The following PPP2R5D variants were observed in gnomAD, a reference collection of about 807,000 sequenced individuals.
PPP2R5D encodes serine/threonine-protein phosphatase 2A 56 kDa regulatory subunit delta isoform.
In PPP2R5D, 12 loss-of-function variants were observed where a neutral mutation model predicts 79.1. The observed-to-expected ratio is 0.15, with a 90% CI of 0.10 to 0.25. The LOEUF is 0.25. PPP2R5D is among the 10% of genes least tolerant of loss of function. The probability of loss-of-function intolerance (pLI) is 1.00; values close to 1 mark genes in which losing one functional copy is unlikely to be tolerated. For missense variants in PPP2R5D, 419 were observed against 760.2 expected (o/e 0.55, Z 5.28); for synonymous variants, 277 against 286.6 (o/e 0.97, Z 0.34).
intron 2 of PPP2R5D, among the ~76,000 whole-genome samples, chr6:43,003,836 G>A (rs1761912535): frequency 6.6e-6 from 1 of 151,858 alleles, no homozygotes; most frequent in Non-Finnish European, 1.5e-5. Flanking sequence ...CCGGGTTCAC[G>A]CCATTCTCCT....
At chr6:42,985,147 C>T (rs779956370) in intron 1 of PPP2R5D, among the ~76,000 whole-genome samples, 66 of 152,114 alleles carry the variant, frequency 4.3e-4, no homozygotes, top group South Asian at 1.9e-3. Context: ...TCTTCCTACC[C>T]GCCTGGGACA....
At chr6:42,998,020 TATATA>T (rs1771849499) in intron 2 of PPP2R5D, among the ~76,000 whole-genome samples, 2 of 9,160 alleles carry the variant, frequency 2.2e-4, no homozygotes, top group African/African-American at 1.0e-3. Flanking sequence ...TTTATTTATA[TATATA>T]TATATATATA....
chr6:43,010,428 G>A lies in PPP2R5D; in HGVS notation c.1380-40G>A. ...ATTGGGTTCCTCACGCTAAGGGCAGGCTCTGGCCTCCTACACCTCATCTTT... is the reference window on the plus strand; with the variant it reads ...ATTGGGTTCCTCACGCTAAGGGCAGACTCTGGCCTCCTACACCTCATCTTT... On this transcript the variant is annotated intron_variant, in intron 12 of 15. Coordinates refer to ENST00000485511, the MANE Select transcript of PPP2R5D (RefSeq NM_006245.4). The surrounding 1 kb of genome is among the most constrained non-coding windows in gnomAD (Gnocchi z 4.7). The A allele has an allele frequency of 6.4e-7, 1 of 1,573,798 alleles. No individual in the cohort carries two copies.
At chr6:42,991,841 CA>C (rs1771284578) in intron 2 of PPP2R5D, among the ~76,000 whole-genome samples, 1 of 152,156 alleles carries the variant, frequency 6.6e-6, no homozygotes, top group Non-Finnish European at 1.5e-5. Flanking sequence ...ATGCCTAAGA[CA>C]ATGGGTCTAT....
chr6:42,997,989 T>C (rs1313402789), intron 2 of PPP2R5D, among the ~76,000 whole-genome samples: 2 of 136,374 alleles, frequency 1.5e-5, no homozygotes, highest in Non-Finnish European at 3.1e-5. Context: ...TATCTCTTTA[T>C]TTATATTTGA....
chr6:43,006,474 G>A lies in PPP2R5D; in HGVS notation c.117G>A (p.Gln39=), dbSNP rs761463281. Residue 39 remains glutamine (Q), a synonymous_variant, in exon 3 of 16, where the codon CAG becomes CAA. Transcript: ENST00000485511. This position sits in a 1 kb window ranked among gnomAD's most constrained non-coding sequence, Gnocchi z 4.7. ...ACTTGTTTGACCAGGCCCAGCCGCAGCCCCAGCCCCAGCCCCAGCCCCAAG... is the reference window on the plus strand; with the variant it reads ...ACTTGTTTGACCAGGCCCAGCCGCAACCCCAGCCCCAGCCCCAGCCCCAAG... ...GGENTEEAQP[Q]PQPQPQPQAQ... The A allele has an allele frequency of 6.2e-7, 1 of 1,612,602 alleles. No individual in the cohort carries two copies. The highest frequency in any genetic ancestry group is 1.3e-5 in the African/African-American group (1 of 74,920).
rs746587804 is a variant in PPP2R5D, at chr6:43,009,209, C to T, written c.1233C>T (p.Val411=). 1.2e-6 allele frequency: 2 copies of T among 1,614,036 alleles called. No individual in the cohort carries two copies. Among genetic ancestry groups the T allele is most frequent in the African/African-American group, 1.3e-5 (1 of 74,914 alleles). Reference sequence around the variant, plus strand: ...TCTTCCGCCAGCTGGCCAAGTGTGTCTCTAGCCCCCATTTCCAGGTGAGAC... The same window carrying T: ...TCTTCCGCCAGCTGGCCAAGTGTGTTTCTAGCCCCCATTTCCAGGTGAGAC... ...EPLFRQLAKC[V]SSPHFQVAER... Residue 411 remains valine, a synonymous_variant, in exon 11 of 16, where the codon GTC becomes GTT. Transcript: ENST00000485511. The surrounding 1 kb of genome is among the most constrained non-coding windows in gnomAD (Gnocchi z 5.6).
chr6:43,001,605 C>G (rs1405577793), intron 2 of PPP2R5D, among the ~76,000 whole-genome samples: 1 of 151,896 alleles, frequency 6.6e-6, no homozygotes, highest in Non-Finnish European at 1.5e-5. Context: ...TTCTTTAGGG[C>G]TGGGCACGGT....
At position 43,009,687 on chromosome 6, in the gene PPP2R5D, T is replaced by C. The variant is rs1308405005; in HGVS notation, c.1379+238T>C. On this transcript the variant is annotated intron_variant, in intron 12 of 15. Transcript: ENST00000485511. This position sits in a 1 kb window ranked among gnomAD's most constrained non-coding sequence, Gnocchi z 5.6. ...TACACCGCTCCTTGGGTTCAGCTATTCTACAGGTCCTATCACAGCTTTGGA... is the reference window on the plus strand; with the variant it reads ...TACACCGCTCCTTGGGTTCAGCTATCCTACAGGTCCTATCACAGCTTTGGA... 6.6e-6 allele frequency among the ~76,000 whole-genome samples: 1 copy of C among 152,192 alleles called. No individual in the cohort carries two copies. Among genetic ancestry groups the C allele is most frequent in the East Asian group, 1.9e-4 (1 of 5,206 alleles).
intron 2 of PPP2R5D, among the ~76,000 whole-genome samples, chr6:42,991,311 A>G (rs1264684966): frequency 6.6e-6 from 1 of 152,152 alleles, no homozygotes; most frequent in Non-Finnish European, 1.5e-5. Flanking sequence ...AGGATTTTCT[A>G]AGTCCTGAAA....
rs761464856 is a variant in PPP2R5D at position 43,010,575 on chromosome 6, T to C, written c.1481+6T>C. 1 of 1,613,616 alleles carries C rather than the reference T, an allele frequency of 6.2e-7. No homozygotes were observed. The highest frequency in any genetic ancestry group is 8.5e-7 in the Non-Finnish European group (1 of 1,179,614). ...TACAAGGCAGAGAAGCAGAAGTGAG[T>C]ATCTCTCTCCCCGGGAGACTTTCAT... On this transcript the variant is annotated splice_donor_region_variant and intron_variant, in intron 13 of 15. Coordinates refer to ENST00000485511, the MANE Select transcript of PPP2R5D (RefSeq NM_006245.4). The surrounding 1 kb of genome is among the most constrained non-coding windows in gnomAD (Gnocchi z 4.7).
Position 43,012,239 on chromosome 6 carries a change from A to G in PPP2R5D, c.*953A>G. ...CAGGCAGTGCGGCTTTTGGCTGTGT[A>G]CATAGGGTGCTTTATTCTCCACAGA... On this transcript the variant is annotated 3_prime_UTR_variant, in exon 16 of 16. Transcript: ENST00000485511. The G allele has an allele frequency of 8.0e-7, 1 of 1,242,614 alleles. No individual in the cohort carries two copies. Among genetic ancestry groups the G allele is most frequent in the Non-Finnish European group, 1.0e-6 (1 of 990,108 alleles). 77.0% of individuals were successfully genotyped at this position (1,242,614 alleles called of 1,614,324 possible).
At chr6:42,994,581 G>A (rs957179683) in intron 2 of PPP2R5D, among the ~76,000 whole-genome samples, 4 of 152,070 alleles carry the variant, frequency 2.6e-5, no homozygotes, top group Admixed American at 6.5e-5. Context: ...GAGGCGGGCG[G>A]ATCACCTGAG....
In PPP2R5D at chr6:42,987,906, A is replaced by T. The variant is rs529734642; in HGVS notation, c.28-1705A>T. ...TGGGTCAGCTTTGTTCAAGGGGTTC[A>T]TGTCTGGGGTGTGTGCAGACACCTC... On this transcript the variant is annotated intron_variant, in intron 1 of 15. Coordinates refer to ENST00000485511, the MANE Select transcript of PPP2R5D (RefSeq NM_006245.4). Among the ~76,000 whole-genome samples the T allele has an allele frequency of 2.6e-3, 394 of 152,274 alleles. 2 individuals carry two copies. The highest frequency in any genetic ancestry group is 6.8e-3 in the Middle Eastern group (2 of 294).
rs1421653493 is a variant in PPP2R5D at position 43,006,515 on chromosome 6, C to T, written c.158C>T (p.Pro53Leu). The T allele has an allele frequency of 5.0e-6, 8 of 1,613,914 alleles. No individual in the cohort carries two copies. Among genetic ancestry groups the T allele is most frequent in the Middle Eastern group, 1.6e-4 (1 of 6,082 alleles). ...QPQPQAQSQP[P>L]SSNKRPSNST... ...CAGCCCCAAGCCCAGTCTCAGCCAC[C>T]GTCATCCAACAAGCGTCCCAGCAAT... Residue 53 changes from proline (P) to leucine (L), a missense_variant, in exon 3 of 16, where the codon CCG becomes CTG. Physicochemically the swap from Pro to Leu is moderately conservative, Grantham distance 98 (BLOSUM62 -3). This residue lies in a region of PPP2R5D where 110 missense variants were observed against 147.6 expected (regional missense o/e 0.75). Transcript: ENST00000485511. The surrounding 1 kb of genome is among the most constrained non-coding windows in gnomAD (Gnocchi z 4.7).
intron 2 of PPP2R5D, among the ~76,000 whole-genome samples, chr6:42,998,978 T>G (rs1771987843): frequency 2.0e-5 from 3 of 152,162 alleles, no homozygotes. Flanking sequence ...GAGGTTGCAG[T>G]GAGCTGAGAT....
rs752128347 is a variant in PPP2R5D at position 43,007,544 on chromosome 6, A to G, written c.726+38A>G. The G allele has an allele frequency of 6.7e-5, 101 of 1,516,018 alleles. No homozygotes were observed. Among genetic ancestry groups the G allele is most frequent in the Non-Finnish European group, 8.8e-5 (96 of 1,091,302 alleles). 93.9% of individuals were successfully genotyped at this position (1,516,018 alleles called of 1,614,324 possible). On this transcript the variant is annotated intron_variant, in intron 6 of 15. Transcript: ENST00000485511. This position sits in a 1 kb window ranked among gnomAD's most constrained non-coding sequence, Gnocchi z 4.5. ...GTTCCTGTCCTTGCCCTCTCTTTCC[A>G]TTCCATGCCCCCTTCATCTGTGTCC...
At chr6:42,996,190 G>A (rs1237078734) in intron 2 of PPP2R5D, among the ~76,000 whole-genome samples, 3 of 149,390 alleles carry the variant, frequency 2.0e-5, no homozygotes, top group South Asian at 2.1e-4. Flanking sequence ...GGGGCCAGGC[G>A]CGGTGGTTCA....
At chr6:43,004,118 G>A (rs1761927985) in intron 2 of PPP2R5D, among the ~76,000 whole-genome samples, 1 of 151,766 alleles carries the variant, frequency 6.6e-6, no homozygotes, top group Non-Finnish European at 1.5e-5. Flanking sequence ...CGCCTCCTGG[G>A]TTTGAGCAAT....
Sources: allele counts gnomAD v4.1 joint callset (sites outside exome capture counted in the v4.1 genomes callset), GRCh38; gene constraint gnomAD v4.1.1; regional missense constraint gnomAD v4.1.1; non-coding constraint Gnocchi (gnomAD v3.1); transcripts MANE v1.5; gene names NCBI Gene and HGNC (gene_info 2026-07-23, HGNC 2026-07-21).